The following ZFHX3 variants were observed in gnomAD, a reference collection of about 807,000 sequenced individuals.
The protein encoded by ZFHX3 is zinc finger homeobox 3.
A neutral mutation model predicts 279.1 loss-of-function variants in ZFHX3; 42 were observed. The ratio of observed to expected loss-of-function variants is 0.15; its 90% CI spans 0.12 to 0.19. ZFHX3 has a LOEUF of 0.19. Ranked by LOEUF, ZFHX3 falls within the 10% of genes least tolerant of loss-of-function variation. The probability of loss-of-function intolerance (pLI) is 1.00; values close to 1 mark genes in which losing one functional copy is unlikely to be tolerated. For missense variants in ZFHX3, 4,981 were observed against 4,754.0 expected (o/e 1.05, Z -1.40); for synonymous variants, 2,293 against 1,957.8 (o/e 1.17, Z -4.52).
At chr16:73,684,793 T>A (rs995437365) in intron 1 of ZFHX3, among the ~76,000 whole-genome samples, 2 of 150,258 alleles carry the variant, frequency 1.3e-5, no homozygotes, top group Non-Finnish European at 3.0e-5. Context: ...CTCCACCTCC[T>A]GGGTTCAAGC....
chr16:73,660,915 T>C (rs2052775956), intron 2 of ZFHX3, among the ~76,000 whole-genome samples: 1 of 151,452 alleles, frequency 6.6e-6, no homozygotes, highest in African/African-American at 2.4e-5. Flanking sequence ...TCCTAGGATC[T>C]ATCTGTTCTA....
intron 1 of ZFHX3, among the ~76,000 whole-genome samples, chr16:73,733,358 C>T (rs1185306286): frequency 6.6e-6 from 1 of 152,160 alleles, no homozygotes; most frequent in Non-Finnish European, 1.5e-5. Context: ...ATGCATATCA[C>T]TCTATCAGCC....
chr16:73,165,311 G>A (rs895256539), intron 5 of ZFHX3, among the ~76,000 whole-genome samples: 4 of 152,176 alleles, frequency 2.6e-5, no homozygotes, highest in Non-Finnish European at 4.4e-5. Context: ...AGAGGCTCAA[G>A]CGCAGAAAAT....
chr16:73,557,746 C>T (rs1434888333), intron 2 of ZFHX3, among the ~76,000 whole-genome samples: 2 of 152,046 alleles, frequency 1.3e-5, no homozygotes, highest in African/African-American at 4.8e-5. Flanking sequence ...GTATTTTGTG[C>T]CGACCTCCTA....
intron 3 of ZFHX3, among the ~76,000 whole-genome samples, chr16:73,332,386 T>C (rs1179744562): frequency 6.6e-6 from 1 of 152,182 alleles, no homozygotes; most frequent in Non-Finnish European, 1.5e-5. Flanking sequence ...GAGCTGCCCT[T>C]TCCTCCTGCA....
intron 5 of ZFHX3, among the ~76,000 whole-genome samples, chr16:73,240,518 G>A (rs927382675): frequency 5.9e-5 from 9 of 151,802 alleles, no homozygotes; most frequent in Non-Finnish European, 8.8e-5. Context: ...TGTGCCCAGC[G>A]TTGCAGGGTA....
chr16:73,303,795 T>C (rs2015113292), intron 4 of ZFHX3, among the ~76,000 whole-genome samples: 1 of 151,858 alleles, frequency 6.6e-6, no homozygotes, highest in Non-Finnish European at 1.5e-5. Flanking sequence ...ATTAAGTCTC[T>C]TAACCAAGCC....
intron 1 of ZFHX3, 135 bp from the exon 2 acceptor site, chr16:72,960,329 C>G (rs747525135): frequency 3.3e-5 from 21 of 630,160 alleles, no homozygotes; most frequent in Admixed American, 1.1e-4. Flanking sequence ...CACAGAGACA[C>G]AGGGCGGAGG....
intron 8 of ZFHX3, among the ~76,000 whole-genome samples, chr16:73,072,339 G>A (rs913498632): frequency 6.6e-6 from 1 of 151,906 alleles, no homozygotes; most frequent in Non-Finnish European, 1.5e-5. Context: ...AGCTACTCAG[G>A]AGGCTGAGGC....
intron 3 of ZFHX3, among the ~76,000 whole-genome samples, chr16:72,937,758 T>G (rs1375832255): frequency 6.6e-6 from 1 of 152,198 alleles, no homozygotes; most frequent in Non-Finnish European, 1.5e-5. Flanking sequence ...AAACACCATC[T>G]CCTCTCACTT....
At chr16:73,459,566 C>T (rs2018437218) in intron 2 of ZFHX3, among the ~76,000 whole-genome samples, 1 of 152,104 alleles carries the variant, frequency 6.6e-6, no homozygotes. Flanking sequence ...TGGGGTTTCA[C>T]CATGTTGGCC....
intron 3 of ZFHX3, among the ~76,000 whole-genome samples, chr16:73,371,417 C>T (rs991190736): frequency 4.6e-5 from 7 of 151,938 alleles, no homozygotes; most frequent in East Asian, 3.9e-4. Flanking sequence ...CAGAGTCTCG[C>T]CCTATTGCCC....
chr16:73,316,093 C>A lies in ZFHX3; in HGVS notation c.-1194+2147G>T, dbSNP rs909563425. Among the ~76,000 whole-genome samples the A allele has an allele frequency of 9.8e-5, 15 of 152,308 alleles. No individual in the cohort carries two copies. In the East Asian group the frequency reaches 2.5e-3, roughly 25 times the overall value. On this transcript the variant is annotated intron_variant, in intron 4 of 17. Coordinates refer to the ZFHX3 transcript ENST00000641206. ...GTCTCCTTTGTTGGATGTTTTATCA[C>A]AAAGAAGGTGATACCACAGGAAAAA...
At chr16:73,069,265 A>AC (rs1414482430) in intron 8 of ZFHX3, among the ~76,000 whole-genome samples, 1 of 152,138 alleles carries the variant, frequency 6.6e-6, no homozygotes, top group Admixed American at 6.5e-5. Context: ...CTGTCTTTTA[A>AC]CCCGAGGGCT....
At chr16:73,022,134 G>A (rs1964321823) in intron 1 of ZFHX3, among the ~76,000 whole-genome samples, 1 of 152,160 alleles carries the variant, frequency 6.6e-6, no homozygotes, top group Non-Finnish European at 1.5e-5. Flanking sequence ...TGAGGGAGAT[G>A]AGGTAGTATA....
intron 5 of ZFHX3, among the ~76,000 whole-genome samples, chr16:73,235,680 GT>G (rs201855313): frequency 0.014 from 2,087 of 147,114 alleles, 56 homozygotes; most frequent in African/African-American, 0.049. Flanking sequence ...TATATCAATT[GT>G]TTTTTTTTTT....
intron 1 of ZFHX3, among the ~76,000 whole-genome samples, chr16:73,882,753 T>A (rs2030212404): frequency 6.6e-6 from 1 of 152,160 alleles, no homozygotes; most frequent in African/African-American, 2.4e-5. Flanking sequence ...CAGACCTTTT[T>A]TTTAAGCTTC....
rs1161284081 is a variant in ZFHX3, at chr16:72,797,105, A to G, written c.5577T>C (p.Ser1859=). 1.9e-6 allele frequency: 3 copies of G among 1,613,744 alleles called. No homozygotes were observed. Among genetic ancestry groups the G allele is most frequent in the South Asian group, 1.1e-5 (1 of 91,080 alleles). ...GGAGGGCAGAGTGACTCTGGGCTAT[A>G]GAGAGTTGGTTCTGCTGCTGCTGCG... The part of the protein sequence containing the change: ...ILPQQQQNQL[S]IAQSHSALLQ... Residue 1859 remains serine (S), a synonymous_variant, in exon 9 of 10, where the codon TCT becomes TCC. Transcript: ENST00000268489.
At chr16:73,278,465 G>C (rs891638729) in intron 4 of ZFHX3, among the ~76,000 whole-genome samples, 1 of 152,172 alleles carries the variant, frequency 6.6e-6, no homozygotes, top group Non-Finnish European at 1.5e-5. Flanking sequence ...GGACCATCAA[G>C]GTGAGTGTCA....
Sources: gnomAD v4.1 joint callset for allele counts (sites outside exome capture counted in the v4.1 genomes callset) on GRCh38, gnomAD v4.1.1 for gene constraint, MANE v1.5 for transcripts, NCBI Gene and HGNC (gene_info 2026-07-23, HGNC 2026-07-21) for gene names.